INSR: variants seen among roughly 807,000 people sequenced by gnomAD.
INSR encodes insulin receptor.
INSR carries 67 observed loss-of-function variants against 142.6 expected under a neutral mutation model. That is an observed-to-expected ratio of 0.47 (90% CI 0.39 to 0.58). INSR has a LOEUF of 0.58. Among genes scored for constraint, INSR ranks in the 20% least tolerant of loss-of-function variants. The pLI, the probability that INSR is intolerant of heterozygous loss-of-function variation, is 0.00. For missense variants in INSR, 1,248 were observed against 1,833.2 expected (o/e 0.68, Z 5.83); for synonymous variants, 756 against 743.1 (o/e 1.02, Z -0.28).
intron 11 of INSR, among the ~76,000 whole-genome samples, chr19:7,144,445 C>T (rs932259492): frequency 6.6e-6 from 1 of 152,150 alleles, no homozygotes; most frequent in African/African-American, 2.4e-5. Context: ...CTCTTGTCGC[C>T]CAGGCTGGAG....
chr19:7,190,528 C>A (rs567962431), intron 2 of INSR, among the ~76,000 whole-genome samples: 1 of 152,028 alleles, frequency 6.6e-6, no homozygotes, highest in Admixed American at 6.6e-5. Context: ...CCCGTCATCA[C>A]GCCCAGCTAA....
Position 7,267,234 on chromosome 19 carries a change from A to C in INSR, c.652+111T>G, listed in dbSNP as rs537091070. 3.5e-6 allele frequency: 4 copies of C among 1,145,116 alleles called. No homozygotes were observed. In the East Asian group the frequency reaches 9.9e-5, roughly 28 times the overall value. 70.9% of individuals were successfully genotyped at this position (1,145,116 alleles called of 1,614,324 possible). On this transcript the variant is annotated intron_variant, in intron 2 of 21. Transcript: ENST00000302850. This position sits in a 1 kb window ranked among gnomAD's most constrained non-coding sequence, Gnocchi z 6.3. ...GGGCTAGTGAATGCCACCACCCACT[A>C]TTCCCCGGCCCCTACCTAATGACCA...
intron 1 of INSR, among the ~76,000 whole-genome samples, chr19:7,277,254 C>T (rs1386397693): frequency 1.3e-5 from 2 of 151,928 alleles, no homozygotes. Context: ...TCTACCTCTG[C>T]GAGAAGGAAT....
At chr19:7,151,162 C>CCCTTTCTTTCTT (rs1973336229) in intron 10 of INSR, among the ~76,000 whole-genome samples, 1 of 45,850 alleles carries the variant, frequency 2.2e-5, no homozygotes, top group African/African-American at 5.0e-5. Context: ...TTCTTTCTTT[C>CCCTTTCTTTCTT]TCTTTCTTTC....
intron 11 of INSR, among the ~76,000 whole-genome samples, chr19:7,143,939 C>T (rs1163892290): frequency 6.6e-6 from 1 of 151,850 alleles, no homozygotes; most frequent in African/African-American, 2.4e-5. Flanking sequence ...GCTTTAATCC[C>T]AGCTACTCAG....
chr19:7,133,760 G>A (rs1054071468), intron 13 of INSR, among the ~76,000 whole-genome samples: 1 of 152,218 alleles, frequency 6.6e-6, no homozygotes, highest in African/African-American at 2.4e-5. Flanking sequence ...CTACTTGGAG[G>A]GTGAGACAGG....
intron 2 of INSR, among the ~76,000 whole-genome samples, chr19:7,195,653 AAAAT>A (rs138270962): frequency 0.11 from 16,872 of 151,054 alleles, 1,074 homozygotes; most frequent in African/African-American, 0.17. Flanking sequence ...AAAAAAAATA[AAAAT>A]AAATAAATAA....
At chr19:7,209,185 G>T (rs565585128) in intron 2 of INSR, among the ~76,000 whole-genome samples, 1 of 152,250 alleles carries the variant, frequency 6.6e-6, no homozygotes, top group African/African-American at 2.4e-5. Context: ...AATTAGCTGG[G>T]CATAGTGGCA....
intron 1 of INSR, among the ~76,000 whole-genome samples, chr19:7,273,398 G>A (rs915656157): frequency 5.9e-5 from 9 of 152,128 alleles, no homozygotes; most frequent in African/African-American, 1.7e-4. Flanking sequence ...CTGAGTGGGC[G>A]TGAAGGATGC....
At position 7,167,945 on chromosome 19, in the gene INSR, GTCTC is replaced by G. The variant is rs1973925418; in HGVS notation, c.1610+19_1610+22del. ...GCCAGCCAGCCCTCGCCTCCTCAGC[GTCTC>G]TCTAACTCTTCTACTTACGCCTCTT... is the stretch of plus-strand genomic sequence containing the variant. On this transcript the variant is annotated intron_variant, in intron 7 of 21. Coordinates refer to ENST00000302850, the MANE Select transcript of INSR (RefSeq NM_000208.4). 1 of 1,613,598 alleles carries G rather than the reference GTCTC, an allele frequency of 6.2e-7. No homozygotes were observed. The highest frequency in any genetic ancestry group is 8.5e-7 in the Non-Finnish European group (1 of 1,179,808).
rs57337884 is a variant in INSR at position 7,143,141 on chromosome 19, TA to T, written c.2268-52del. The T allele has an allele frequency of 8.2e-3, 13,096 of 1,596,188 alleles. 129 individuals carry two copies. Among genetic ancestry groups the T allele is most frequent in the African/African-American group, 0.044 (3,263 of 74,530 alleles). On this transcript the variant is annotated intron_variant, in intron 11 of 21. Transcript: ENST00000302850. Reference sequence around the variant, plus strand: ...ATGACACCATCACCATCATTTTTTTTAAAAAAGTGACACTGGAGAATAAAAG... The same window carrying T: ...ATGACACCATCACCATCATTTTTTTTAAAAAGTGACACTGGAGAATAAAAG...
intron 2 of INSR, among the ~76,000 whole-genome samples, chr19:7,235,053 G>A (rs968040409): frequency 7.6e-5 from 11 of 145,244 alleles, no homozygotes; most frequent in African/African-American, 1.1e-4. Flanking sequence ...GAAAGACTCC[G>A]TCTCAAAAAA....
intron 13 of INSR, among the ~76,000 whole-genome samples, chr19:7,140,155 T>C (rs567197642): frequency 6.6e-5 from 10 of 152,288 alleles, no homozygotes; most frequent in Admixed American, 4.6e-4. Context: ...TAAATTATTG[T>C]CAAAGCCAAA....
chr19:7,149,113 T>A (rs1376387529), intron 11 of INSR, among the ~76,000 whole-genome samples: 1 of 151,788 alleles, frequency 6.6e-6, no homozygotes, highest in Non-Finnish European at 1.5e-5. Context: ...TTCACCGTGT[T>A]AGCCAGGATG....
chr19:7,167,835 C>T, intron 7 of INSR, 133 bp downstream of exon 7: 1 of 1,101,950 alleles, frequency 9.1e-7, no homozygotes, highest in Non-Finnish European at 1.4e-6. Flanking sequence ...TAAAAAGGAA[C>T]CTAAGATATT....
rs895331415 is a variant in INSR, at chr19:7,248,836, C to A, written c.652+18509G>T. Among the ~76,000 whole-genome samples the A allele has an allele frequency of 2.1e-5, 3 of 144,532 alleles. No individual in the cohort carries two copies. In the Admixed American group the frequency reaches 2.1e-4, roughly 10 times the overall value. The allele number at this position is 144,532 out of a possible 152,430, so 94.8% of individuals were successfully genotyped here. On this transcript the variant is annotated intron_variant, in intron 2 of 21. Coordinates refer to ENST00000302850, the MANE Select transcript of INSR (RefSeq NM_000208.4). Reference sequence around the variant, plus strand: ...GCAGTGGCGTGATCTTGGCTCACTGCAAACTCTGCCTCCCAGGTTCAAGCG... The same window carrying A: ...GCAGTGGCGTGATCTTGGCTCACTGAAAACTCTGCCTCCCAGGTTCAAGCG...
chr19:7,152,742 C>T lies in INSR; in HGVS notation c.2215G>A (p.Val739Met), dbSNP rs776522151. ...RKTFEDYLHNVVFVPRKTSSG... is the reference protein window; with the variant it reads ...RKTFEDYLHNMVFVPRKTSSG... ...AGTCCTGACCTGGGGACGAAAACCA[C>T]GTTGTGCAGGTAATCCTCAAACGTC... is the stretch of plus-strand genomic sequence containing the variant. The change falls in exon 10 of 22, where the codon GTG becomes ATG. Residue 739 changes from valine to methionine, a missense_variant. By Grantham distance (21) the Val-to-Met change is conservative (BLOSUM62 1). Around this residue, in one of 3 missense-constraint regions of INSR, gnomAD observed 1,069 missense variants for 1,654.0 expected, o/e 0.65. Transcript: ENST00000302850. 3 of 1,612,876 alleles carry T rather than the reference C, an allele frequency of 1.9e-6. No individual in the cohort carries two copies. Among genetic ancestry groups the T allele is most frequent in the African/African-American group, 1.3e-5 (1 of 74,950 alleles).
chr19:7,255,287 G>A (rs1976853840), intron 2 of INSR, among the ~76,000 whole-genome samples: 1 of 152,100 alleles, frequency 6.6e-6, no homozygotes, highest in African/African-American at 2.4e-5. Flanking sequence ...GCCTGGCTCA[G>A]CAAGGCTGTC....
At chr19:7,170,822 G>T in intron 5 of INSR, 71 bp from the exon 6 acceptor site, 1 of 1,213,300 alleles carries the variant, frequency 8.2e-7, no homozygotes, top group South Asian at 1.2e-5. Context: ...GTGTGGCCAT[G>T]CTCGGAGTTG....
Sources: allele counts gnomAD v4.1 joint callset (sites outside exome capture counted in the v4.1 genomes callset), GRCh38; gene constraint gnomAD v4.1.1; regional missense constraint gnomAD v4.1.1; non-coding constraint Gnocchi (gnomAD v3.1); transcripts MANE v1.5; gene names NCBI Gene and HGNC (gene_info 2026-07-23, HGNC 2026-07-21).